The following VEGFC variants were observed in gnomAD, a reference collection of about 807,000 sequenced individuals.
VEGFC encodes the protein FLT4 ligand DHM.
Under a neutral mutation model 46.1 loss-of-function variants are expected in VEGFC, and 12 were observed. The observed-to-expected ratio is 0.26, with a 90% CI of 0.17 to 0.42. VEGFC has a LOEUF of 0.42. Ranked by LOEUF, VEGFC falls within the 10% of genes least tolerant of loss-of-function variation. VEGFC has a pLI of 1.00. For synonymous variants in VEGFC, 232 were observed against 195.5 expected (o/e 1.19, Z -1.56); for missense variants, 488 against 529.4 (o/e 0.92, Z 0.77).
chr4:176,738,169 C>A (rs1735087541), intron 1 of VEGFC, among the ~76,000 whole-genome samples: 1 of 151,928 alleles, frequency 6.6e-6, no homozygotes, highest in South Asian at 2.1e-4. Flanking sequence ...ATTAAACTAC[C>A]ATTGGTATTC....
chr4:176,731,247 C>CA (rs937314476), intron 1 of VEGFC, among the ~76,000 whole-genome samples: 1 of 151,688 alleles, frequency 6.6e-6, no homozygotes, highest in African/African-American at 2.4e-5. Flanking sequence ...AAATATTTGC[C>CA]AAAAAAACTC....
chr4:176,772,819 C>T (rs569504246), intron 1 of VEGFC, among the ~76,000 whole-genome samples: 10 of 152,242 alleles, frequency 6.6e-5, no homozygotes, highest in African/African-American at 2.2e-4. Flanking sequence ...AGTAAGAAGG[C>T]CCTCACCAGA....
chr4:176,702,960 T>A (rs755035907), intron 4 of VEGFC, among the ~76,000 whole-genome samples: 4 of 152,094 alleles, frequency 2.6e-5, no homozygotes, highest in African/African-American at 7.2e-5. Context: ...AATGCCAACA[T>A]TTTAACTTAA....
At chr4:176,756,042 T>C (rs938909185) in intron 1 of VEGFC, among the ~76,000 whole-genome samples, 7 of 151,980 alleles carry the variant, frequency 4.6e-5, no homozygotes, top group Admixed American at 3.9e-4. Flanking sequence ...TCAAAGACTA[T>C]AGGTAAAGTT....
At chr4:176,745,040 A>G (rs903958819) in intron 1 of VEGFC, among the ~76,000 whole-genome samples, 1 of 152,032 alleles carries the variant, frequency 6.6e-6, no homozygotes, top group Admixed American at 6.6e-5. Context: ...TTACTGGTCC[A>G]CAATAGAGAC....
intron 4 of VEGFC, among the ~76,000 whole-genome samples, chr4:176,693,069 C>A (rs1030287694): frequency 1.1e-4 from 17 of 152,104 alleles, no homozygotes; most frequent in South Asian, 2.1e-4. Flanking sequence ...AAGCAGAGTG[C>A]CTCTCCTCCT....
intron 1 of VEGFC, among the ~76,000 whole-genome samples, chr4:176,731,168 G>T (rs910162742): frequency 6.6e-6 from 1 of 152,006 alleles, no homozygotes; most frequent in African/African-American, 2.4e-5. Flanking sequence ...GGTGGAGGTG[G>T]AGAGGAGATC....
chr4:176,684,454 C>T (rs532992382), intron 6 of VEGFC, among the ~76,000 whole-genome samples: 1 of 152,270 alleles, frequency 6.6e-6, no homozygotes, highest in Non-Finnish European at 1.5e-5. Context: ...GCAATTAAAC[C>T]CAGCCATGTT....
At chr4:176,747,990 T>G (rs1383205394) in intron 1 of VEGFC, among the ~76,000 whole-genome samples, 3 of 151,818 alleles carry the variant, frequency 2.0e-5, no homozygotes, top group Non-Finnish European at 4.4e-5. Flanking sequence ...AAAATTTCAT[T>G]TAAACAAATT....
Position 176,709,876 on chromosome 4 carries a change from T to A in VEGFC, c.704+1623A>T, listed in dbSNP as rs17063612. 6.3e-3 allele frequency among the ~76,000 whole-genome samples: 952 copies of A among 152,230 alleles called. 24 individuals carry two copies. The highest frequency in any genetic ancestry group is 0.054 in the East Asian group (277 of 5,168). On this transcript the variant is annotated intron_variant, in intron 4 of 6. Transcript: ENST00000618562. ...CTAGTATTAATATCACTGCATTAGA[T>A]CAGAGACATGCATAATGAAGTGGAT...
intron 1 of VEGFC, among the ~76,000 whole-genome samples, chr4:176,754,649 C>A (rs561462166): frequency 6.6e-6 from 1 of 152,154 alleles, no homozygotes; most frequent in South Asian, 2.1e-4. Context: ...GGATCATAAT[C>A]TTTCCATCTC....
rs566036338 is a variant in VEGFC, at chr4:176,749,553, TTA to T, written c.148-19809_148-19808del. Among the ~76,000 whole-genome samples the T allele has an allele frequency of 1.4e-4, 22 of 151,980 alleles. No homozygotes were observed. The South Asian group carries it at 4.3e-3, about 30-fold the overall frequency. On this transcript the variant is annotated intron_variant, in intron 1 of 6. Transcript: ENST00000618562. ...AATATTTTCTTTATTCTGTCATCTA[TTA>T]GTGTATATATTTAATTATAGCCACA...
chr4:176,784,593 T>G (rs4568191), intron 1 of VEGFC, among the ~76,000 whole-genome samples: 3 of 148,782 alleles, frequency 2.0e-5, no homozygotes, highest in Non-Finnish European at 4.4e-5. Flanking sequence ...TAAAAAAATA[T>G]AAAAAAAAAA....
intron 3 of VEGFC, among the ~76,000 whole-genome samples, chr4:176,717,042 T>A (rs551815756): frequency 1.3e-5 from 2 of 152,312 alleles, no homozygotes; most frequent in African/African-American, 4.8e-5. Flanking sequence ...TGATAATGTA[T>A]CTATTATAAT....
intron 1 of VEGFC, among the ~76,000 whole-genome samples, chr4:176,759,683 C>T (rs527915551): frequency 6.6e-5 from 10 of 152,086 alleles, no homozygotes; most frequent in African/African-American, 2.2e-4. Flanking sequence ...TCAATCAAAA[C>T]GTCACAGTGT....
intron 1 of VEGFC, among the ~76,000 whole-genome samples, chr4:176,789,216 T>C (rs1038540877): frequency 1.3e-5 from 2 of 152,212 alleles, no homozygotes; most frequent in Non-Finnish European, 2.9e-5. Flanking sequence ...GAACCAGAAC[T>C]GGAAGTCCAA....
At chr4:176,754,640 G>A (rs776175459) in intron 1 of VEGFC, among the ~76,000 whole-genome samples, 8 of 151,882 alleles carry the variant, frequency 5.3e-5, no homozygotes, top group East Asian at 1.9e-4. Flanking sequence ...GATAATCCAG[G>A]ATCATAATCT....
rs150570851 is a variant in VEGFC, at chr4:176,763,230, T to C, written c.147+28935A>G. 6.6e-4 allele frequency among the ~76,000 whole-genome samples: 101 copies of C among 152,226 alleles called. No individual in the cohort carries two copies. The East Asian group carries it at 0.018, about 27-fold the overall frequency. ...AATTCATCTTCAACTAATTCCCAAATACAATTCCAAGGAAAAAGGACCAAA... is the reference window on the plus strand; with the variant it reads ...AATTCATCTTCAACTAATTCCCAAACACAATTCCAAGGAAAAAGGACCAAA... On this transcript the variant is annotated intron_variant, in intron 1 of 6. Coordinates refer to ENST00000618562, the MANE Select transcript of VEGFC (RefSeq NM_005429.5).
chr4:176,754,040 A>G (rs1190651636), intron 1 of VEGFC, among the ~76,000 whole-genome samples: 1 of 152,096 alleles, frequency 6.6e-6, no homozygotes, highest in Non-Finnish European at 1.5e-5. Flanking sequence ...ATTCCAGATG[A>G]TGAACATAAA....
Sources: gnomAD v4.1 joint callset for allele counts (sites outside exome capture counted in the v4.1 genomes callset) on GRCh38, gnomAD v4.1.1 for gene constraint, MANE v1.5 for transcripts, NCBI Gene and HGNC (gene_info 2026-07-23, HGNC 2026-07-21) for gene names.